The following HPSE2 variants were observed in gnomAD, a reference collection of about 807,000 sequenced individuals.
HPSE2 encodes inactive heparanase-2.
HPSE2 carries 38 observed loss-of-function variants against 60.5 expected under a neutral mutation model. The ratio of observed to expected loss-of-function variants is 0.63; its 90% confidence interval spans 0.48 to 0.82. The LOEUF (loss-of-function observed/expected upper bound fraction) is 0.82, where lower values mean the gene tolerates loss of function less well. HPSE2 is among the 40% of genes least tolerant of loss of function. The probability of loss-of-function intolerance (pLI) is 0.00; values close to 1 mark genes in which losing one functional copy is unlikely to be tolerated. For synonymous variants in HPSE2, 295 were observed against 293.2 expected, an observed-to-expected ratio of 1.01 and a Z score of -0.06; for missense variants, 713 against 740.4, an observed-to-expected ratio of 0.96 and a Z score of 0.43.
intron 2 of HPSE2, among the ~76,000 whole-genome samples, chr10:99,179,106 G>C (rs567659706): frequency 9.8e-5 from 15 of 152,304 alleles, no homozygotes; most frequent in Admixed American, 4.6e-4. Context: ...ACTGGGTATT[G>C]ATCGAATGCA....
chr10:99,025,576 A>T (rs1386453795), intron 3 of HPSE2, among the ~76,000 whole-genome samples: 3 of 152,074 alleles, frequency 2.0e-5, no homozygotes, highest in Admixed American at 1.3e-4. Flanking sequence ...TGGAGGCTAC[A>T]ATCCCTAGCA....
At chr10:98,739,991 C>T (rs964361191) in intron 4 of HPSE2, among the ~76,000 whole-genome samples, 3 of 152,052 alleles carry the variant, frequency 2.0e-5, no homozygotes, top group African/African-American at 7.2e-5. Context: ...CCAGTTCTTT[C>T]TTACTTTAGA....
At chr10:98,956,003 G>A (rs1015951513) in intron 3 of HPSE2, among the ~76,000 whole-genome samples, 1 of 151,882 alleles carries the variant, frequency 6.6e-6, no homozygotes, top group African/African-American at 2.4e-5. Flanking sequence ...GATGAATGTG[G>A]GCTTATTACC....
intron 3 of HPSE2, among the ~76,000 whole-genome samples, chr10:99,064,701 T>A (rs923205579): frequency 2.0e-5 from 3 of 150,504 alleles, no homozygotes; most frequent in African/African-American, 7.3e-5. Flanking sequence ...AAAAAAAGCA[T>A]AATATTATTC....
intron 3 of HPSE2, among the ~76,000 whole-genome samples, chr10:99,052,665 C>A (rs968597668): frequency 6.6e-6 from 1 of 151,762 alleles, no homozygotes; most frequent in Non-Finnish European, 1.5e-5. Flanking sequence ...TGACAGCAGC[C>A]AGAGCAAAAT....
the HPSE2 span, among the ~76,000 whole-genome samples, chr10:99,308,379 C>CAAAAAAAAAA: frequency 0.11 from 2,961 of 27,796 alleles, 543 homozygotes; most frequent in Non-Finnish European, 0.16. Context: ...GACTCTGTCT[C>CAAAAAAAAAA]AAAAAAAAAA....
At chr10:98,555,666 G>A (rs572419230) in intron 9 of HPSE2, among the ~76,000 whole-genome samples, 4 of 152,234 alleles carry the variant, frequency 2.6e-5, no homozygotes, top group Middle Eastern at 3.4e-3. Flanking sequence ...TAATGAACAT[G>A]TATAAAGTTT....
chr10:98,850,809 C>T (rs1205926121), intron 3 of HPSE2, among the ~76,000 whole-genome samples: 1 of 150,330 alleles, frequency 6.7e-6, no homozygotes, highest in South Asian at 2.1e-4. Flanking sequence ...GATATTGCTA[C>T]AGTTTGATGC....
At chr10:99,199,509 T>A (rs993762914) in intron 2 of HPSE2, among the ~76,000 whole-genome samples, 1 of 152,136 alleles carries the variant, frequency 6.6e-6, no homozygotes, top group East Asian at 1.9e-4. Flanking sequence ...TATCCCGTTT[T>A]CCCAACATCA....
intron 3 of HPSE2, among the ~76,000 whole-genome samples, chr10:98,943,139 A>G (rs1955067799): frequency 6.6e-6 from 1 of 150,564 alleles, no homozygotes; most frequent in Non-Finnish European, 1.5e-5. Context: ...CTAAATGACG[A>G]GTTGGTGGGT....
At chr10:99,047,290 C>A (rs1319017305) in intron 3 of HPSE2, among the ~76,000 whole-genome samples, 1 of 152,094 alleles carries the variant, frequency 6.6e-6, no homozygotes, top group Non-Finnish European at 1.5e-5. Context: ...TAAAACTAGA[C>A]CCTTACCTTT....
intron 3 of HPSE2, among the ~76,000 whole-genome samples, chr10:98,801,597 C>T (rs1277929502): frequency 2.6e-5 from 4 of 151,950 alleles, no homozygotes; most frequent in South Asian, 2.1e-4. Flanking sequence ...ATCCCATGTA[C>T]ATTAGCCACA....
intron 6 of HPSE2, among the ~76,000 whole-genome samples, chr10:98,646,653 G>A (rs896051155): frequency 1.3e-5 from 2 of 152,178 alleles, no homozygotes; most frequent in African/African-American, 2.4e-5. Context: ...GGCAAAGATA[G>A]CAGACTATAC....
chr10:99,211,803 A>G (rs1239639042), intron 2 of HPSE2, among the ~76,000 whole-genome samples: 2 of 152,142 alleles, frequency 1.3e-5, no homozygotes, highest in African/African-American at 4.8e-5. Context: ...GGCCTGGGCA[A>G]TAATTTTTTG....
chr10:98,835,709 ATGTG>A (rs1293973653), intron 3 of HPSE2, among the ~76,000 whole-genome samples: 3 of 152,332 alleles, frequency 2.0e-5, no homozygotes, highest in East Asian at 3.9e-4. Context: ...ATATTATTGG[ATGTG>A]TTACAGCTTG....
intron 3 of HPSE2, among the ~76,000 whole-genome samples, chr10:98,926,069 G>A (rs752520550): frequency 2.4e-4 from 37 of 152,052 alleles, no homozygotes; most frequent in East Asian, 1.9e-4. Flanking sequence ...GGCAGTAGAA[G>A]TAGGTGTCAT....
At chr10:98,745,223 A>T (rs113577392) in intron 3 of HPSE2, among the ~76,000 whole-genome samples, 89 of 152,300 alleles carry the variant, frequency 5.8e-4, no homozygotes, top group African/African-American at 1.6e-3. Flanking sequence ...TAAAATAAAA[A>T]AAAGAAATAT....
Position 98,716,466 on chromosome 10 carries a change from T to TAAA in HPSE2, c.956+5190_956+5191insTTT, listed in dbSNP as rs1554974931. 3.3e-5 allele frequency among the ~76,000 whole-genome samples: 5 copies of TAAA among 150,580 alleles called. No homozygotes were observed. The East Asian group carries it at 9.7e-4, about 29-fold the overall frequency. ...AAAAATAAATAAATAAATAAATAAA[T>TAAA]TTAAAAAAATAATGCTATTTCAACC... On this transcript the variant is annotated intron_variant, in intron 5 of 11. Transcript: ENST00000370552.
chr10:98,673,725 A>T (rs567106891), intron 6 of HPSE2, among the ~76,000 whole-genome samples: 20 of 152,180 alleles, frequency 1.3e-4, no homozygotes, highest in Middle Eastern at 3.4e-3. Flanking sequence ...TGTAAAACAG[A>T]TTATGAAATA....
Sources: allele counts gnomAD v4.1 joint callset (sites outside exome capture counted in the v4.1 genomes callset), GRCh38; gene constraint gnomAD v4.1.1; transcripts MANE v1.5; gene names NCBI Gene and HGNC (gene_info 2026-07-23, HGNC 2026-07-21).